The following ACSS3 variants were observed in gnomAD, a reference collection of about 807,000 sequenced individuals.
ACSS3 encodes acyl-CoA synthetase short chain family member 3, also known as acyl-CoA synthetase short-chain family member 3, mitochondrial.
In ACSS3, 64 loss-of-function variants were observed where a neutral mutation model predicts 84.2. That is an observed-to-expected ratio of 0.76 (90% confidence interval 0.62 to 0.94). ACSS3 has a LOEUF of 0.94. ACSS3 is among the 40% of genes least tolerant of loss of function. The probability of loss-of-function intolerance (pLI) is 0.00; values close to 1 mark genes in which losing one functional copy is unlikely to be tolerated. For synonymous variants in ACSS3, 317 were observed against 310.1 expected (o/e 1.02, Z -0.23); for missense variants, 815 against 867.6 (o/e 0.94, Z 0.76).
At chr12:81,132,407 T>C (rs2574735) in intron 2 of ACSS3, among the ~76,000 whole-genome samples, 127,492 of 151,824 alleles carry the variant, frequency 0.84, 55,762 homozygotes, top group Non-Finnish European at 0.96. Context: ...TTTTCTAGTT[T>C]ATTTGCATAG....
chr12:81,112,141 A>G (rs1883650848), intron 2 of ACSS3, among the ~76,000 whole-genome samples: 1 of 152,284 alleles, frequency 6.6e-6, no homozygotes. Flanking sequence ...GTTTTGTTTT[A>G]GGATTGCATT....
intron 11 of ACSS3, among the ~76,000 whole-genome samples, chr12:81,227,423 A>ACACAC (rs56325395): frequency 6.6e-6 from 1 of 150,394 alleles, no homozygotes; most frequent in South Asian, 2.1e-4. Flanking sequence ...ACACACACAC[A>ACACAC]AGTGTTGATT....
chr12:81,091,362 T>C (rs1470382184), intron 1 of ACSS3, among the ~76,000 whole-genome samples: 1 of 151,956 alleles, frequency 6.6e-6, no homozygotes, highest in Non-Finnish European at 1.5e-5. Context: ...ATGATAAAAT[T>C]TTAATATATT....
chr12:81,198,601 A>T (rs2031955871), intron 8 of ACSS3, among the ~76,000 whole-genome samples: 1 of 151,586 alleles, frequency 6.6e-6, no homozygotes, highest in African/African-American at 2.4e-5. Context: ...ATGAAAAAAA[A>T]AAAACCCATA....
intron 13 of ACSS3, among the ~76,000 whole-genome samples, chr12:81,246,139 C>T (rs372091579): frequency 1.3e-5 from 2 of 152,116 alleles, no homozygotes; most frequent in Non-Finnish European, 2.9e-5. Context: ...TTTCTGGGTT[C>T]TCTTGGTTTA....
At position 81,115,825 on chromosome 12, in the gene ACSS3, C is replaced by T. The variant is rs924379241; in HGVS notation, c.456+6121C>T. Among the ~76,000 whole-genome samples the T allele has an allele frequency of 6.6e-5, 10 of 152,056 alleles. 1 individual carries two copies. The highest frequency in any genetic ancestry group is 5.9e-4 in the Admixed American group (9 of 15,248). On this transcript the variant is annotated intron_variant, in intron 2 of 15. Transcript: ENST00000548058. Reference sequence around the variant, plus strand: ...GGAATCAAAGTTGAGAAGACATTTGCCCCTGTTTAAAAAATAATTAATGTT... The same window carrying T: ...GGAATCAAAGTTGAGAAGACATTTGTCCCTGTTTAAAAAATAATTAATGTT...
intron 2 of ACSS3, among the ~76,000 whole-genome samples, chr12:81,133,149 C>A (rs1380552904): frequency 6.6e-6 from 1 of 151,764 alleles, no homozygotes; most frequent in Non-Finnish European, 1.5e-5. Context: ...TTCACCAGAT[C>A]CCTTAACCTT....
intron 13 of ACSS3, among the ~76,000 whole-genome samples, chr12:81,237,557 G>A (rs1286836692): frequency 6.6e-6 from 1 of 151,484 alleles, no homozygotes; most frequent in African/African-American, 2.4e-5. Context: ...CTTATCCCGA[G>A]TATTTTGAAT....
intron 9 of ACSS3, among the ~76,000 whole-genome samples, chr12:81,214,844 A>G (rs2032843514): frequency 6.6e-6 from 1 of 152,228 alleles, no homozygotes; most frequent in Admixed American, 6.5e-5. Context: ...ACTGAACTTA[A>G]TAAGAATACT....
At chr12:81,205,692 C>A (rs1486372904) in intron 9 of ACSS3, among the ~76,000 whole-genome samples, 1 of 152,006 alleles carries the variant, frequency 6.6e-6, no homozygotes, top group African/African-American at 2.4e-5. Context: ...AATTCTCAGA[C>A]ATTTTTCTTT....
intron 9 of ACSS3, among the ~76,000 whole-genome samples, chr12:81,214,808 G>C (rs2032842367): frequency 6.6e-6 from 1 of 152,160 alleles, no homozygotes; most frequent in Admixed American, 6.5e-5. Context: ...TTGAACTCTA[G>C]GTAACTGGTG....
intron 8 of ACSS3, among the ~76,000 whole-genome samples, chr12:81,190,616 A>C (rs1019854227): frequency 2.0e-5 from 3 of 151,990 alleles, no homozygotes; most frequent in African/African-American, 7.2e-5. Flanking sequence ...CTTTATTCCT[A>C]GGATCCTCCA....
intron 13 of ACSS3, among the ~76,000 whole-genome samples, chr12:81,250,259 A>G (rs998436726): frequency 6.6e-6 from 1 of 152,084 alleles, no homozygotes; most frequent in Admixed American, 6.6e-5. Context: ...GCATGCAAAT[A>G]ATATTTATGG....
chr12:81,088,725 T>A (rs557168474), intron 1 of ACSS3, among the ~76,000 whole-genome samples: 92 of 152,062 alleles, frequency 6.1e-4, no homozygotes, highest in Non-Finnish European at 1.2e-3. Flanking sequence ...TGCTCCTAAA[T>A]ATATTCTATT....
intron 2 of ACSS3, among the ~76,000 whole-genome samples, chr12:81,114,988 T>C (rs1744620276): frequency 1.3e-5 from 2 of 152,148 alleles, no homozygotes; most frequent in South Asian, 4.1e-4. Context: ...TTATACAAAT[T>C]GAGTAATACA....
intron 1 of ACSS3, among the ~76,000 whole-genome samples, chr12:81,096,607 G>A (rs900357727): frequency 2.0e-4 from 30 of 152,068 alleles, no homozygotes; most frequent in Non-Finnish European, 3.1e-4. Context: ...TTCTCCTAAC[G>A]CTATCCCTCC....
chr12:81,166,254 T>C (rs1887397933), intron 7 of ACSS3, among the ~76,000 whole-genome samples: 1 of 152,186 alleles, frequency 6.6e-6, no homozygotes, highest in Non-Finnish European at 1.5e-5. Flanking sequence ...TTGTAAGAGA[T>C]GAAAAGGGAG....
intron 7 of ACSS3, among the ~76,000 whole-genome samples, chr12:81,156,357 G>A (rs1174654181): frequency 6.6e-6 from 1 of 151,852 alleles, no homozygotes; most frequent in Non-Finnish European, 1.5e-5. Context: ...TAGAAAAGAG[G>A]AAAACTCTCA....
chr12:81,220,544 A>G (rs1485482126), intron 11 of ACSS3, among the ~76,000 whole-genome samples: 1 of 152,052 alleles, frequency 6.6e-6, no homozygotes, highest in Non-Finnish European at 1.5e-5. Context: ...CCATCACCCA[A>G]ATAGTGAACA....
Sources: gnomAD v4.1 joint callset for allele counts (sites outside exome capture counted in the v4.1 genomes callset) on GRCh38, gnomAD v4.1.1 for gene constraint, MANE v1.5 for transcripts, NCBI Gene and HGNC (gene_info 2026-07-23, HGNC 2026-07-21) for gene names.